Variants in FARP2 observed in about 807,000 individuals in gnomAD.
FARP2 encodes FERM, ARH/RhoGEF and pleckstrin domain protein 2.
A neutral mutation model predicts 130.5 loss-of-function variants in FARP2; 111 were observed. That is an observed-to-expected ratio of 0.85 (90% CI 0.73 to 1.00). FARP2 has a LOEUF of 1.00. Among genes scored for constraint, FARP2 ranks in the 50% least tolerant of loss-of-function variants. The pLI is 0.00. For synonymous variants in FARP2, 504 were observed against 516.9 expected, an observed-to-expected ratio of 0.98 and a Z score of 0.34; for missense variants, 1,385 against 1,346.3, an observed-to-expected ratio of 1.03 and a Z score of -0.45.
chr2:241,398,730 G>A (rs1462159837), intron 2 of FARP2, among the ~76,000 whole-genome samples: 3 of 151,860 alleles, frequency 2.0e-5, no homozygotes, highest in East Asian at 1.9e-4. Context: ...CACCACGCCC[G>A]GCTAATTTTT....
At chr2:241,409,328 T>TCC (rs2062454748) in intron 5 of FARP2, among the ~76,000 whole-genome samples, 1 of 152,052 alleles carries the variant, frequency 6.6e-6, no homozygotes, top group South Asian at 2.1e-4. Context: ...GGTGGGGGGA[T>TCC]CAGTTGAGCT....
chr2:241,381,618 C>T (rs1290253644), intron 2 of FARP2, among the ~76,000 whole-genome samples: 10 of 152,234 alleles, frequency 6.6e-5, no homozygotes, highest in Admixed American at 3.3e-4. Flanking sequence ...ATCGGCCTCA[C>T]GTAAGGAAGC....
In FARP2 at chr2:241,463,980, G is replaced by T. The variant is rs776969216; in HGVS notation, c.1893G>T (p.Lys631Asn). ...DILLRNMRQLKEFTSYFQRHD... is the reference protein window; with the variant it reads ...DILLRNMRQLNEFTSYFQRHD... ...TGCTCAGGAACATGCGCCAGTTAAAGGTAGGCTGCATGGTGACTACTGCCT... is the reference window on the plus strand; with the variant it reads ...TGCTCAGGAACATGCGCCAGTTAAATGTAGGCTGCATGGTGACTACTGCCT... Residue 631 changes from lysine to asparagine, a missense_variant and splice_region_variant, in exon 17 of 27, where the codon AAG (lysine) becomes AAT (asparagine). Lys to Asn is a moderately conservative substitution (Grantham distance 94). Coordinates refer to ENST00000264042, the MANE Select transcript of FARP2 (RefSeq NM_014808.4). 4 of 1,613,306 alleles carry T rather than the reference G, an allele frequency of 2.5e-6. No homozygotes were observed. Among genetic ancestry groups the T allele is most frequent in the Non-Finnish European group, 1.7e-6 (2 of 1,179,524 alleles).
intron 25 of FARP2, 110 bp downstream of exon 25, chr2:241,493,146 C>A: frequency 8.6e-7 from 1 of 1,163,620 alleles, no homozygotes; most frequent in Non-Finnish European, 1.3e-6. Context: ...ATGCTTTGCC[C>A]ACACACCCTG....
intron 1 of FARP2, among the ~76,000 whole-genome samples, chr2:241,365,469 G>A (rs1387896939): frequency 1.3e-5 from 2 of 152,064 alleles, no homozygotes; most frequent in African/African-American, 4.8e-5. Flanking sequence ...GTTAGCATTC[G>A]TATTTCTCTG....
intron 13 of FARP2, among the ~76,000 whole-genome samples, chr2:241,447,740 C>T (rs1454665084): frequency 1.3e-5 from 2 of 152,158 alleles, no homozygotes; most frequent in East Asian, 3.9e-4. Flanking sequence ...TTTCTGCTGC[C>T]TCCGTGGAAT....
At chr2:241,394,256 C>A (rs1289838647) in intron 2 of FARP2, among the ~76,000 whole-genome samples, 1 of 152,132 alleles carries the variant, frequency 6.6e-6, no homozygotes, top group Non-Finnish European at 1.5e-5. Flanking sequence ...CTTTGGCTCA[C>A]GCCTGTAATC....
intron 1 of FARP2, among the ~76,000 whole-genome samples, chr2:241,367,577 A>G (rs2061343744): frequency 6.6e-6 from 1 of 152,140 alleles, no homozygotes; most frequent in Non-Finnish European, 1.5e-5. Context: ...GTGGACTTTC[A>G]TATTAGATGA....
chr2:241,382,475 G>T (rs10169743), intron 2 of FARP2, among the ~76,000 whole-genome samples: 28,756 of 151,504 alleles, frequency 0.19, 3,033 homozygotes, highest in Middle Eastern at 0.35. Context: ...GAGAGATGGG[G>T]TTTCCCCATG....
chr2:241,383,452 A>G (rs895481028), intron 2 of FARP2, among the ~76,000 whole-genome samples: 2 of 152,190 alleles, frequency 1.3e-5, no homozygotes, highest in African/African-American at 4.8e-5. Flanking sequence ...TGCAGGTGCC[A>G]TTAGGTGACC....
chr2:241,428,511 T>A (rs1190662818), intron 8 of FARP2, among the ~76,000 whole-genome samples: 1 of 152,114 alleles, frequency 6.6e-6, no homozygotes, highest in African/African-American at 2.4e-5. Context: ...TATTTTACTT[T>A]CAGTAGAAAT....
intron 2 of FARP2, among the ~76,000 whole-genome samples, chr2:241,389,469 C>T (rs925647715): frequency 3.9e-5 from 6 of 152,212 alleles, no homozygotes; most frequent in African/African-American, 9.7e-5. Flanking sequence ...CTGCAGACTT[C>T]CAGCCTCCAG....
In FARP2 at chr2:241,473,890, T is replaced by G. The variant is rs115279148; in HGVS notation, c.2132-1967T>G. On this transcript the variant is annotated intron_variant, in intron 18 of 26. Transcript: ENST00000264042. ...ATTTTCAGTGTCATGCAGGTATCAT[T>G]GACAGAAAGTGAATTTTGTCAGTCA... Among the ~76,000 whole-genome samples, 177 of 152,340 alleles carry G rather than the reference T, an allele frequency of 1.2e-3. 1 individual carries two copies. The highest frequency in any genetic ancestry group is 3.8e-3 in the African/African-American group (160 of 41,574).
intron 8 of FARP2, among the ~76,000 whole-genome samples, chr2:241,423,458 G>A (rs917883491): frequency 6.6e-6 from 1 of 152,188 alleles, no homozygotes; most frequent in African/African-American, 2.4e-5. Flanking sequence ...GCTCCTGAAG[G>A]AAGCACTAAA....
chr2:241,410,268 CTG>C (rs1450587345), intron 5 of FARP2, among the ~76,000 whole-genome samples: 1 of 152,122 alleles, frequency 6.6e-6, no homozygotes, highest in African/African-American at 2.4e-5. Context: ...ATGCTTTAAG[CTG>C]TGTTTTCATT....
chr2:241,489,838 C>T (rs969816871), intron 21 of FARP2, 124 bp from the exon 22 acceptor site: 2 of 654,714 alleles, frequency 3.1e-6, no homozygotes, highest in Non-Finnish European at 5.6e-6. Flanking sequence ...TCTGTGTGCA[C>T]TTGGACAGCA....
intron 2 of FARP2, among the ~76,000 whole-genome samples, chr2:241,391,626 A>G (rs2061905703): frequency 6.6e-6 from 1 of 152,204 alleles, no homozygotes; most frequent in South Asian, 2.1e-4. Context: ...GAATTCAAGT[A>G]GGCAGCTAGC....
chr2:241,458,464 C>T (rs1428875762), intron 14 of FARP2, among the ~76,000 whole-genome samples: 1 of 152,170 alleles, frequency 6.6e-6, no homozygotes, highest in Non-Finnish European at 1.5e-5. Context: ...GCAGTCTCCT[C>T]CTTCCTGGTG....
Position 241,491,198 on chromosome 2 carries a change from C to T in FARP2, c.2623+19C>T, listed in dbSNP as rs1258865028. 6.4e-7 allele frequency: 1 copy of T among 1,557,140 alleles called. No individual in the cohort carries two copies. The highest frequency in any genetic ancestry group is 8.9e-7 in the Non-Finnish European group (1 of 1,129,004). On this transcript the variant is annotated intron_variant, in intron 23 of 26. Transcript: ENST00000264042. ...CCCCCCAGTGAGTGCTGGCCACAACCCCCCAGGAGACCTCCACTACACCTA... is the reference window on the plus strand; with the variant it reads ...CCCCCCAGTGAGTGCTGGCCACAACTCCCCAGGAGACCTCCACTACACCTA...
Sources: allele counts gnomAD v4.1 joint callset (sites outside exome capture counted in the v4.1 genomes callset), GRCh38; gene constraint gnomAD v4.1.1; transcripts MANE v1.5; gene names NCBI Gene and HGNC (gene_info 2026-07-23, HGNC 2026-07-21).